Variants in TLN2 observed in about 807,000 individuals in gnomAD.
The protein encoded by TLN2 is talin 2.
TLN2 carries 118 observed loss-of-function variants against 294.7 expected under a neutral mutation model. That is an observed-to-expected ratio of 0.40 (90% CI 0.34 to 0.47). The LOEUF is 0.47. Among genes scored for constraint, TLN2 ranks in the 20% least tolerant of loss-of-function variants. The pLI, the probability that TLN2 is intolerant of heterozygous loss-of-function variation, is 0.84. For synonymous variants in TLN2, 1,431 were observed against 1,304.5 expected (o/e 1.10, Z -2.09); for missense variants, 3,083 against 3,282.2 (o/e 0.94, Z 1.48).
chr15:62,643,288 C>A (rs541175149), intron 3 of TLN2, among the ~76,000 whole-genome samples: 5 of 151,874 alleles, frequency 3.3e-5, no homozygotes, highest in Admixed American at 6.6e-5. Flanking sequence ...TTATCTCAAG[C>A]TTGGAAAAAC....
intron 57 of TLN2, chr15:62,838,041 T>A (rs144364435): frequency 6.6e-6 from 1 of 152,094 alleles, no homozygotes; most frequent in African/African-American, 2.4e-5. Context: ...TCATGAGCAT[T>A]AAAAATAAGC....
At chr15:62,796,844 G>T (rs113636043) in intron 47 of TLN2, among the ~76,000 whole-genome samples, 83 of 152,248 alleles carry the variant, frequency 5.5e-4, no homozygotes, top group African/African-American at 1.9e-3. Flanking sequence ...TGAACAAGGT[G>T]CCCCAACCCA....
intron 1 of TLN2, among the ~76,000 whole-genome samples, chr15:62,439,514 T>C (rs2035448484): frequency 6.6e-6 from 1 of 152,196 alleles, no homozygotes; most frequent in Admixed American, 6.5e-5. Flanking sequence ...GGTTTAGTCA[T>C]GTTGGCCAGG....
At chr15:62,594,279 C>CCTTGTGGTGAG (rs2046308350) in intron 2 of TLN2, among the ~76,000 whole-genome samples, 1 of 152,200 alleles carries the variant, frequency 6.6e-6, no homozygotes, top group African/African-American at 2.4e-5. Flanking sequence ...TGAGTCCTGA[C>CCTTGTGGTGAG]TCACTGCAGC....
intron 1 of TLN2, among the ~76,000 whole-genome samples, chr15:62,429,120 T>G (rs1463650550): frequency 6.6e-5 from 7 of 105,484 alleles, no homozygotes; most frequent in South Asian, 3.6e-4. Flanking sequence ...GGAACCGGGG[T>G]TGGCGGGGGT....
At chr15:62,797,095 C>A in intron 47 of TLN2, 124 bp from the exon 48 acceptor site, 2 of 1,041,972 alleles carry the variant, frequency 1.9e-6, no homozygotes, top group Non-Finnish European at 2.8e-6. Flanking sequence ...AGGTGTAACA[C>A]AGCACTTCTC....
intron 1 of TLN2, among the ~76,000 whole-genome samples, chr15:62,398,680 C>T (rs1566941827): frequency 1.3e-5 from 2 of 152,142 alleles, no homozygotes; most frequent in Admixed American, 6.5e-5. Context: ...TATGCTTCAG[C>T]AAAGAGACTG....
chr15:62,701,075 G>T, intron 16 of TLN2, 31 bp from the exon 17 acceptor site: 1 of 1,589,676 alleles, frequency 6.3e-7, no homozygotes, highest in South Asian at 1.1e-5. Context: ...TCTGTGCTGT[G>T]ATTGTGTTGT....
At chr15:62,570,125 C>A (rs1027728602) in intron 1 of TLN2, among the ~76,000 whole-genome samples, 2 of 152,278 alleles carry the variant, frequency 1.3e-5, no homozygotes, top group Non-Finnish European at 2.9e-5. Context: ...AACAAGATTG[C>A]CCTGTTGATG....
chr15:62,829,653 A>G (rs998551785), intron 54 of TLN2: 6 of 152,236 alleles, frequency 3.9e-5, no homozygotes, highest in African/African-American at 1.2e-4. Context: ...GTTACAAACA[A>G]TCCAATTACA....
chr15:62,662,937 C>G (rs2054059547), intron 9 of TLN2, among the ~76,000 whole-genome samples: 1 of 148,772 alleles, frequency 6.7e-6, no homozygotes, highest in South Asian at 2.2e-4. Flanking sequence ...CATTCTCCTG[C>G]CTCAGTCTCC....
intron 1 of TLN2, among the ~76,000 whole-genome samples, chr15:62,552,571 A>T (rs948359939): frequency 6.6e-6 from 1 of 152,026 alleles, no homozygotes; most frequent in Non-Finnish European, 1.5e-5. Flanking sequence ...CTTTTGGGTG[A>T]TTTTGCTGTT....
At chr15:62,653,748 T>TA (rs36124921) in intron 7 of TLN2, among the ~76,000 whole-genome samples, 88,780 of 135,124 alleles carry the variant, frequency 0.66, 27,032 homozygotes, top group Middle Eastern at 0.76. Context: ...AAATAAAAAT[T>TA]AAAAAAAAAA....
intron 1 of TLN2, among the ~76,000 whole-genome samples, chr15:62,544,720 G>GA (rs2041891594): frequency 7.0e-6 from 1 of 143,002 alleles, no homozygotes; most frequent in Admixed American, 7.3e-5. Flanking sequence ...AGTGGGAGTA[G>GA]AAAAGCTTTT....
chr15:62,560,832 A>G (rs911533291), intron 1 of TLN2, among the ~76,000 whole-genome samples: 2 of 152,244 alleles, frequency 1.3e-5, no homozygotes, highest in Non-Finnish European at 2.9e-5. Context: ...ACTTGAGGAC[A>G]GTGTGTCACC....
intron 1 of TLN2, among the ~76,000 whole-genome samples, chr15:62,426,227 T>C (rs1032025221): frequency 1.1e-4 from 17 of 152,218 alleles, no homozygotes; most frequent in Admixed American, 2.0e-4. Flanking sequence ...GGCTGCCAAG[T>C]GCCTGTATCA....
At chr15:62,547,932 A>G (rs982211165) in intron 1 of TLN2, among the ~76,000 whole-genome samples, 1 of 152,188 alleles carries the variant, frequency 6.6e-6, no homozygotes, top group Admixed American at 6.5e-5. Context: ...AGTGATCAGG[A>G]GGTCTAAATC....
intron 15 of TLN2, 54 bp from the exon 16 acceptor site, chr15:62,698,700 C>A: frequency 6.9e-7 from 1 of 1,449,734 alleles, no homozygotes. Context: ...GCATAAAGGG[C>A]CATGTCGGTC....
intron 54 of TLN2, among the ~76,000 whole-genome samples, chr15:62,827,052 CT>C (rs1415355564): frequency 1.6e-5 from 2 of 125,002 alleles, no homozygotes; most frequent in Admixed American, 9.1e-5. Context: ...GTTTTTAGCT[CT>C]CAACAAAGCA....
Sources: gnomAD v4.1 joint callset for allele counts (sites outside exome capture counted in the v4.1 genomes callset) on GRCh38, gnomAD v4.1.1 for gene constraint, MANE v1.5 for transcripts, NCBI Gene and HGNC (gene_info 2026-07-23, HGNC 2026-07-21) for gene names.